TXLNB: variants seen among roughly 807,000 people sequenced by gnomAD.
TXLNB encodes taxilin beta.
TXLNB carries 37 observed loss-of-function variants against 57.4 expected under a neutral mutation model. That is an observed-to-expected ratio of 0.64 (90% CI 0.50 to 0.85). The LOEUF (loss-of-function observed/expected upper bound fraction) is 0.85. TXLNB is among the 40% of genes least tolerant of loss of function. The pLI is 0.00. For synonymous variants in TXLNB, 302 were observed against 309.6 expected (o/e 0.98, Z 0.26); for missense variants, 848 against 825.6 (o/e 1.03, Z -0.33).
the TXLNB span, among the ~76,000 whole-genome samples, chr6:139,168,489 C>T: frequency 8.1e-5 from 12 of 147,656 alleles, no homozygotes; most frequent in African/African-American, 3.0e-4. Context: ...AACCATCTTT[C>T]AAAGACATTT....
chr6:139,195,706 A>C, the TXLNB span, among the ~76,000 whole-genome samples: 5 of 152,244 alleles, frequency 3.3e-5, no homozygotes, highest in Admixed American at 6.5e-5. Context: ...AGAAATGATA[A>C]ACTTCAAGTT....
chr6:139,174,260 T>C, the TXLNB span: 6 of 1,140,214 alleles, frequency 5.3e-6, no homozygotes, highest in East Asian at 1.6e-4. Flanking sequence ...TTGATTTTTC[T>C]TTTTATATTT....
intron 5 of TXLNB, among the ~76,000 whole-genome samples, chr6:139,261,875 C>T (rs1776490146): frequency 1.3e-5 from 2 of 149,622 alleles, no homozygotes; most frequent in African/African-American, 4.9e-5. Flanking sequence ...TATTATTGGC[C>T]TGGTAGGGTA....
At chr6:139,229,181 G>A in the TXLNB span, among the ~76,000 whole-genome samples, 5 of 152,276 alleles carry the variant, frequency 3.3e-5, no homozygotes, top group African/African-American at 1.2e-4. Context: ...ACAAATGTAC[G>A]AGAAAAGGAC....
the TXLNB span, among the ~76,000 whole-genome samples, chr6:139,228,997 C>T: frequency 6.6e-6 from 1 of 152,142 alleles, no homozygotes; most frequent in Non-Finnish European, 1.5e-5. Context: ...GTGGGTAGGG[C>T]TCTGTGCTTG....
the TXLNB span, among the ~76,000 whole-genome samples, chr6:139,213,484 A>G: frequency 2.0e-5 from 3 of 152,230 alleles, no homozygotes; most frequent in Non-Finnish European, 4.4e-5. Context: ...AGCAGTGTGT[A>G]GAGGGAAATT....
At chr6:139,281,066 T>A (rs182500553) in intron 2 of TXLNB, among the ~76,000 whole-genome samples, 74 of 150,092 alleles carry the variant, frequency 4.9e-4, no homozygotes, top group African/African-American at 1.7e-3. Flanking sequence ...TTTTTTATTT[T>A]TTTATTTTTA....
chr6:139,166,042 C>T, the TXLNB span: 1 of 430,570 alleles, frequency 2.3e-6, no homozygotes, highest in East Asian at 3.7e-5. Context: ...TCAGGACAAC[C>T]TAAAGCTCAG....
chr6:139,279,648 C>T (rs1217892239), intron 2 of TXLNB, among the ~76,000 whole-genome samples: 10 of 152,138 alleles, frequency 6.6e-5, no homozygotes, highest in Non-Finnish European at 1.5e-4. Flanking sequence ...TCATCATCTA[C>T]AAAAGGCTAT....
chr6:139,236,548 A>T (rs192425999), downstream of TXLNB, among the ~76,000 whole-genome samples: 7 of 152,316 alleles, frequency 4.6e-5, no homozygotes, highest in East Asian at 1.4e-3. Flanking sequence ...CCTGTGAAGA[A>T]GGCACCTGCT....
the TXLNB span, among the ~76,000 whole-genome samples, chr6:139,168,393 A>G: frequency 7.0e-6 from 1 of 143,662 alleles, no homozygotes; most frequent in Non-Finnish European, 1.5e-5. Flanking sequence ...TTTTGTTTTT[A>G]TTAGGGTTAA....
intron 7 of TXLNB, 54 bp from the exon 8 acceptor site, chr6:139,247,963 T>C (rs1405692469): frequency 9.6e-7 from 1 of 1,042,700 alleles, no homozygotes; most frequent in Non-Finnish European, 1.4e-6. Flanking sequence ...AGAAAACATG[T>C]CATTGTTCAT....
the TXLNB span, among the ~76,000 whole-genome samples, chr6:139,173,451 G>A: frequency 1.3e-5 from 2 of 152,112 alleles, no homozygotes; most frequent in East Asian, 1.9e-4. Flanking sequence ...CCTTTCCATC[G>A]GGTAAGGAGC....
rs758087665 is a variant in TXLNB, at chr6:139,288,712, A to T, written c.188T>A (p.Leu63Gln). The T allele has an allele frequency of 1.9e-6, 3 of 1,614,048 alleles. No individual in the cohort carries two copies. The South Asian group carries it at 3.3e-5, about 18-fold the overall frequency. ...PDISEELNRQ[L>Q]EDIINTYGSA... Reference sequence around the variant, plus strand: ...CCCATAAGTGTTAATGATGTCTTCCAGCTGTCGATTCAGCTCTTCAGAGAT... The same window carrying T: ...CCCATAAGTGTTAATGATGTCTTCCTGCTGTCGATTCAGCTCTTCAGAGAT... Residue 63 changes from leucine (L) to glutamine (Q), a missense_variant, in exon 2 of 10, where the codon CTG becomes CAG. Physicochemically the swap from Leu to Gln is moderately radical, Grantham distance 113 (BLOSUM62 -2). Coordinates refer to ENST00000358430, the MANE Select transcript of TXLNB (RefSeq NM_153235.4).
At chr6:139,214,988 A>T in the TXLNB span, among the ~76,000 whole-genome samples, 1 of 152,212 alleles carries the variant, frequency 6.6e-6, no homozygotes. Flanking sequence ...GGATACAAAC[A>T]AATGGAAGAA....
chr6:139,173,118 G>A, the TXLNB span, among the ~76,000 whole-genome samples: 8 of 152,178 alleles, frequency 5.3e-5, 1 homozygote, highest in Non-Finnish European at 1.2e-4. Flanking sequence ...AACATGCCCC[G>A]AGGCCAGAGT....
chr6:139,201,715 T>G, the TXLNB span: 1 of 152,240 alleles, frequency 6.6e-6, no homozygotes, highest in African/African-American at 2.4e-5. Context: ...CAGCCCTGAT[T>G]CCCCGACAGT....
At chr6:139,264,014 T>G (rs1370052287) in intron 4 of TXLNB, among the ~76,000 whole-genome samples, 1 of 152,218 alleles carries the variant, frequency 6.6e-6, no homozygotes, top group Non-Finnish European at 1.5e-5. Flanking sequence ...GGTTTCTTCT[T>G]TCCTCTATAA....
At chr6:139,181,954 A>G in the TXLNB span, among the ~76,000 whole-genome samples, 1 of 152,186 alleles carries the variant, frequency 6.6e-6, no homozygotes, top group East Asian at 1.9e-4. Context: ...TTGACAATAG[A>G]TTATTCCACA....
Sources: gnomAD v4.1 joint callset for allele counts (sites outside exome capture counted in the v4.1 genomes callset) on GRCh38, gnomAD v4.1.1 for gene constraint, MANE v1.5 for transcripts, NCBI Gene and HGNC (gene_info 2026-07-23, HGNC 2026-07-21) for gene names.